VPS13C: variants seen among roughly 807,000 people sequenced by gnomAD.
The protein encoded by VPS13C is vacuolar protein sorting 13 homolog C.
VPS13C carries 358 observed loss-of-function variants against 456.8 expected under a neutral mutation model. The ratio of observed to expected loss-of-function variants is 0.78; its 90% CI spans 0.72 to 0.86. The LOEUF (loss-of-function observed/expected upper bound fraction) is 0.86, where lower values mean the gene tolerates loss of function less well. VPS13C is among the 40% of genes least tolerant of loss of function. The pLI, the probability that VPS13C is intolerant of heterozygous loss-of-function variation, is 0.00. For synonymous variants in VPS13C, 1,578 were observed against 1,486.7 expected (o/e 1.06, Z -1.41); for missense variants, 4,818 against 4,385.4 (o/e 1.10, Z -2.79).
Position 61,922,296 on chromosome 15 carries a change from T to C in VPS13C, c.6975+101A>G, listed in dbSNP as rs955525233. 14 of 1,388,972 alleles carry C rather than the reference T, an allele frequency of 1.0e-5. No individual in the cohort carries two copies. The African/African-American group carries it at 1.9e-4, about 19-fold the overall frequency. The allele number at this position is 1,388,972 out of a possible 1,614,324, so 86.0% of individuals were successfully genotyped here. On this transcript the variant is annotated intron_variant, in intron 54 of 84. Coordinates refer to ENST00000644861, the MANE Select transcript of VPS13C (RefSeq NM_020821.3). The stretch of plus-strand genomic sequence containing the variant: ...TCAGAACACACTATCTATTCACATA[T>C]GTACTCATAGTGGCCATGCACAAAC...
chr15:62,007,419 C>A lies in VPS13C; in HGVS notation c.1179G>T (p.Trp393Cys). ...TGTGCTTTTTTATGTTACTCCATGA[C>A]CACATCTGTGTATACCTTCTTATAT... ...EVHIRRYTQM[W>C]SWSNIKKHRQ... Residue 393 changes from tryptophan to cysteine, a missense_variant, in exon 15 of 85, where the codon TGG becomes TGT. Coordinates refer to ENST00000644861, the MANE Select transcript of VPS13C (RefSeq NM_020821.3). The A allele has an allele frequency of 6.2e-7, 1 of 1,612,852 alleles. No individual in the cohort carries two copies. Among genetic ancestry groups the A allele is most frequent in the Non-Finnish European group, 8.5e-7 (1 of 1,179,512 alleles).
At chr15:61,979,051 T>C (rs555760316) in intron 22 of VPS13C, among the ~76,000 whole-genome samples, 64 of 152,318 alleles carry the variant, frequency 4.2e-4, no homozygotes, top group African/African-American at 1.4e-3. Context: ...TCAGGAATTA[T>C]TGCCACTTAG....
Position 61,919,311 on chromosome 15 carries a change from A to G in VPS13C, c.7616T>C (p.Ile2539Thr), listed in dbSNP as rs1469096146. The change falls in exon 58 of 85, where the codon ATT (isoleucine) becomes ACT (threonine). Residue 2539 changes from isoleucine to threonine, a missense_variant. Physicochemically the swap from Ile to Thr is moderately conservative, Grantham distance 89. Transcript: ENST00000644861. ...QIDATEGNKV[I>T]TLRSPLQIKN... Reference sequence around the variant, plus strand: ...TACCTGTAGAGGAGAGCGAAGGGTAATTACTTTATTCCCTTCAGTTGCATC... The same window carrying G: ...TACCTGTAGAGGAGAGCGAAGGGTAGTTACTTTATTCCCTTCAGTTGCATC... 5 of 1,605,282 alleles carry G rather than the reference A, an allele frequency of 3.1e-6. No individual in the cohort carries two copies. Among genetic ancestry groups the G allele is most frequent in the Non-Finnish European group, 4.3e-6 (5 of 1,176,300 alleles).
rs763258644 is a variant in VPS13C, at chr15:61,950,407, T to C, written c.4547A>G (p.Asp1516Gly). 2 of 1,611,632 alleles carry C rather than the reference T, an allele frequency of 1.2e-6. No homozygotes were observed. Among genetic ancestry groups the C allele is most frequent in the South Asian group, 2.2e-5 (2 of 90,822 alleles). ...ATGAATAGTTTTAAATTCTGGTCCA[T>C]CACTGTCTGCCTACAAATAGTGGAG... Reference protein sequence around the residue: ...LKMLLTKADSDGPEFKTIHDS... With the variant: ...LKMLLTKADSGGPEFKTIHDS... The change falls in exon 41 of 85, where the codon GAT (aspartate) becomes GGT (glycine). Residue 1516 changes from aspartate to glycine, a missense_variant. Around this residue, in one of 3 missense-constraint regions of VPS13C, gnomAD observed 4,552 missense variants for 4,130.6 expected, o/e 1.10. Coordinates refer to ENST00000644861, the MANE Select transcript of VPS13C (RefSeq NM_020821.3).
intron 16 of VPS13C, among the ~76,000 whole-genome samples, chr15:61,994,457 G>C (rs934020285): frequency 6.6e-6 from 1 of 152,176 alleles, no homozygotes; most frequent in Non-Finnish European, 1.5e-5. Flanking sequence ...GAATTTGCCT[G>C]TGAGAAAATA....
At chr15:61,997,450 C>A (rs139743388) in intron 16 of VPS13C, among the ~76,000 whole-genome samples, 1 of 152,134 alleles carries the variant, frequency 6.6e-6, no homozygotes, top group East Asian at 1.9e-4. Flanking sequence ...ATTTCTATAT[C>A]CAGCACAGAC....
intron 9 of VPS13C, among the ~76,000 whole-genome samples, chr15:62,019,419 G>A (rs1664249371): frequency 6.6e-6 from 1 of 151,728 alleles, no homozygotes; most frequent in Non-Finnish European, 1.5e-5. Context: ...TTCTCTTGTG[G>A]GCATTTAGTG....
At chr15:62,017,561 G>A (rs1184462818) in intron 9 of VPS13C, among the ~76,000 whole-genome samples, 2 of 152,112 alleles carry the variant, frequency 1.3e-5, no homozygotes, top group African/African-American at 2.4e-5. Context: ...CCCATTGCTT[G>A]TTTTCGTCAG....
chr15:61,970,146 G>A (rs2045503452), intron 27 of VPS13C, among the ~76,000 whole-genome samples: 1 of 152,138 alleles, frequency 6.6e-6, no homozygotes, highest in African/African-American at 2.4e-5. Flanking sequence ...ACCATGCTGA[G>A]AGGCCATAAG....
chr15:61,907,170 T>C (rs750896648), intron 66 of VPS13C, 94 bp downstream of exon 66: 1 of 1,579,176 alleles, frequency 6.3e-7, no homozygotes, highest in Non-Finnish European at 8.7e-7. Flanking sequence ...AATTCACTTT[T>C]AGTTCAATTA....
At position 61,863,422 on chromosome 15, in the gene VPS13C, G is replaced by A. The variant is rs1006505787; in HGVS notation, c.10952+18C>T. The A allele has an allele frequency of 2.5e-6, 4 of 1,584,716 alleles. No homozygotes were observed. The highest frequency in any genetic ancestry group is 1.4e-5 in the African/African-American group (1 of 73,942). On this transcript the variant is annotated intron_variant, in intron 82 of 84. Coordinates refer to ENST00000644861, the MANE Select transcript of VPS13C (RefSeq NM_020821.3). Reference sequence around the variant, plus strand: ...GCAACTAAGTACTATTTGGAAAAATGTCACTTCAAGTCAGTACCTATTTGT... The same window carrying A: ...GCAACTAAGTACTATTTGGAAAAATATCACTTCAAGTCAGTACCTATTTGT...
At chr15:61,991,639 C>A (rs767017424) in intron 17 of VPS13C, 34 bp downstream of exon 17, 11 of 1,592,202 alleles carry the variant, frequency 6.9e-6, no homozygotes, top group Middle Eastern at 1.7e-4. Flanking sequence ...TTTAACTTAA[C>A]ACTGTACAAT....
chr15:61,873,428 T>A lies in VPS13C; in HGVS notation c.10415-19A>T, dbSNP rs1895176910. 6.2e-7 allele frequency: 1 copy of A among 1,611,612 alleles called. No homozygotes were observed. Among genetic ancestry groups the A allele is most frequent in the Admixed American group, 1.7e-5 (1 of 59,848 alleles). ...GCACCACCTATCAAAGACAAGGGATTAATTTCTAGAATATACAAGGAACTA... is the reference window on the plus strand; with the variant it reads ...GCACCACCTATCAAAGACAAGGGATAAATTTCTAGAATATACAAGGAACTA... On this transcript the variant is annotated intron_variant, in intron 77 of 84. Transcript: ENST00000644861.
intron 61 of VPS13C, 80 bp from the exon 62 acceptor site, chr15:61,913,495 A>G: frequency 1.6e-6 from 2 of 1,266,998 alleles, no homozygotes; most frequent in South Asian, 1.3e-5. Flanking sequence ...TTGCTGGACT[A>G]CTAGAAATTT....
chr15:62,040,078 G>T (rs1323971187), intron 3 of VPS13C, among the ~76,000 whole-genome samples: 2 of 152,086 alleles, frequency 1.3e-5, no homozygotes, highest in Non-Finnish European at 2.9e-5. Flanking sequence ...GGAACTGGGG[G>T]TCATTATGTT....
At chr15:61,958,489 C>T (rs531269983) in intron 37 of VPS13C, 119 bp downstream of exon 37, 20 of 616,910 alleles carry the variant, frequency 3.2e-5, no homozygotes, top group Non-Finnish European at 5.1e-5. Context: ...TTTGTTTACT[C>T]GGTAATACAA....
chr15:61,947,380 C>G (rs965544575), intron 42 of VPS13C, 71 bp from the exon 43 acceptor site: 2 of 1,161,186 alleles, frequency 1.7e-6, no homozygotes, highest in Non-Finnish European at 2.5e-6. Flanking sequence ...AACCTCAAAT[C>G]CACCAAAATA....
intron 42 of VPS13C, among the ~76,000 whole-genome samples, chr15:61,948,493 G>A (rs142332351): frequency 3.4e-4 from 51 of 151,996 alleles, no homozygotes; most frequent in Admixed American, 4.6e-4. Context: ...ACCAGCCTGC[G>A]CAACATGGTG....
chr15:62,032,745 A>T (rs560403488), intron 5 of VPS13C, among the ~76,000 whole-genome samples: 1 of 151,794 alleles, frequency 6.6e-6, no homozygotes, highest in Admixed American at 6.6e-5. Flanking sequence ...CACAAAAATT[A>T]TATAAAATGC....
Sources: gnomAD v4.1 joint callset for allele counts (sites outside exome capture counted in the v4.1 genomes callset) on GRCh38, gnomAD v4.1.1 for gene constraint, gnomAD v4.1.1 regional missense constraint, MANE v1.5 for transcripts, NCBI Gene and HGNC (gene_info 2026-07-23, HGNC 2026-07-21) for gene names.